Variants in BCL2L14 observed in about 807,000 individuals in gnomAD.
The protein encoded by BCL2L14 is apoptosis facilitator Bcl-2-like protein 14.
Under a neutral mutation model 35.3 loss-of-function variants are expected in BCL2L14, and 27 were observed. The observed-to-expected ratio is 0.76, with a 90% confidence interval of 0.56 to 1.05. BCL2L14 has a LOEUF of 1.05. Among genes scored for constraint, BCL2L14 ranks in the 50% least tolerant of loss-of-function variants. The pLI, the probability that BCL2L14 is intolerant of heterozygous loss-of-function variation, is 0.00. For missense variants in BCL2L14, 377 were observed against 382.6 expected (o/e 0.99, Z 0.12); for synonymous variants, 139 against 145.9 (o/e 0.95, Z 0.34).
intron 1 of BCL2L14, among the ~76,000 whole-genome samples, chr12:12,076,051 GA>G (rs1948773823): frequency 6.6e-6 from 1 of 150,574 alleles, no homozygotes; most frequent in African/African-American, 2.4e-5. Context: ...AGGGTCACCA[GA>G]TGTCCAGTAC....
In BCL2L14 at chr12:12,079,685, G is replaced by A. The variant is rs1948867831; in HGVS notation, c.380G>A (p.Ser127Asn). The stretch of plus-strand genomic sequence containing the variant: ...ACGTTGGAATACCAAGATTCGCACA[G>A]CCAGCAGTGGTCCAGGTGTCTTTCT... The part of the protein sequence containing the change: ...QRTLEYQDSH[S>N]QQWSRCLSNV... The change falls in exon 2 of 6, where the codon AGC (serine) becomes AAC (asparagine). Residue 127 changes from serine (S) to asparagine (N), a missense_variant. By Grantham distance (46) the Ser-to-Asn change is conservative. Coordinates refer to ENST00000308721, the MANE Select transcript of BCL2L14 (RefSeq NM_138723.2). 1 of 1,614,092 alleles carries A rather than the reference G, an allele frequency of 6.2e-7. No homozygotes were observed. The highest frequency in any genetic ancestry group is 1.7e-5 in the Admixed American group (1 of 60,006).
intron 1 of BCL2L14, among the ~76,000 whole-genome samples, chr12:12,077,271 G>A (rs1948802176): frequency 6.6e-6 from 1 of 152,156 alleles, no homozygotes; most frequent in Admixed American, 6.6e-5. Flanking sequence ...GCCGGGCATG[G>A]TAGCTCATGG....
intron 3 of BCL2L14, among the ~76,000 whole-genome samples, chr12:12,088,688 C>A (rs1949101131): frequency 6.6e-6 from 1 of 152,170 alleles, no homozygotes; most frequent in African/African-American, 2.4e-5. Context: ...TTTTTAACTC[C>A]TCTAACAGTG....
rs987383949 is a variant in BCL2L14 at position 12,099,307 on chromosome 12, G to A, written c.*319G>A. The A allele has an allele frequency of 9.2e-6, 3 of 326,686 alleles. No individual in the cohort carries two copies. Among genetic ancestry groups the A allele is most frequent in the African/African-American group, 4.3e-5 (2 of 46,224 alleles). 20.2% of individuals were successfully genotyped at this position (326,686 alleles called of 1,614,324 possible). A position where few individuals can be genotyped will look rare whatever the true frequency, so the allele number is the denominator to read the frequency against. On this transcript the variant is annotated 3_prime_UTR_variant, in exon 6 of 6. Coordinates refer to ENST00000308721, the MANE Select transcript of BCL2L14 (RefSeq NM_138723.2). ...ATCCTGCCTTTGTTAGCTGCTGTAGGGAAAGTGCGTTACAGATGTCTGCTG... is the reference window on the plus strand; with the variant it reads ...ATCCTGCCTTTGTTAGCTGCTGTAGAGAAAGTGCGTTACAGATGTCTGCTG...
At chr12:12,095,592 A>G (rs1413295685) in intron 5 of BCL2L14, 1 of 985,248 alleles carries the variant, frequency 1.0e-6, no homozygotes, top group Non-Finnish European at 1.2e-6. Flanking sequence ...GTCAAAATGT[A>G]CTACCCCACA....
intron 3 of BCL2L14, among the ~76,000 whole-genome samples, chr12:12,089,433 C>T (rs908402600): frequency 6.7e-6 from 1 of 149,896 alleles, no homozygotes; most frequent in Non-Finnish European, 1.5e-5. Context: ...CGGTGGCTTA[C>T]GTCTGTAATC....
At chr12:12,078,271 GGAGA>G (rs1274113078) in intron 1 of BCL2L14, among the ~76,000 whole-genome samples, 3 of 152,138 alleles carry the variant, frequency 2.0e-5, no homozygotes, top group East Asian at 3.9e-4. Flanking sequence ...GAGAGAGAGA[GGAGA>G]GAGAAGCCGG....
chr12:12,089,092 A>G (rs189184903), intron 3 of BCL2L14, among the ~76,000 whole-genome samples: 11 of 152,170 alleles, frequency 7.2e-5, no homozygotes, highest in Non-Finnish European at 1.3e-4. Context: ...TTTGGCCGGG[A>G]GCGGTGGCTC....
intron 2 of BCL2L14, among the ~76,000 whole-genome samples, chr12:12,058,944 T>C (rs181709572): frequency 4.5e-4 from 68 of 152,298 alleles, no homozygotes; most frequent in East Asian, 2.3e-3. Flanking sequence ...GCGGCCTCTT[T>C]TTACTCTCTT....
chr12:12,097,100 G>A (rs369280359), intron 5 of BCL2L14, among the ~76,000 whole-genome samples: 9 of 152,186 alleles, frequency 5.9e-5, no homozygotes, highest in East Asian at 5.8e-4. Context: ...AGCCAAGATC[G>A]CGCCACTGCA....
At chr12:12,069,730 C>T (rs2136726342), upstream of BCL2L14, among the ~76,000 whole-genome samples, 1 of 148,444 alleles carries the variant, frequency 6.7e-6, no homozygotes, top group South Asian at 2.1e-4. Context: ...AAAAAGGTGG[C>T]AAGTTTTTAT....
chr12:12,098,865 G>A (rs1302850538), intron 5 of BCL2L14, 85 bp from the exon 6 acceptor site: 2 of 986,278 alleles, frequency 2.0e-6, no homozygotes, highest in Non-Finnish European at 3.3e-6. Context: ...GTCACGCCTG[G>A]GATAGAGCAG....
At chr12:12,062,585 A>G (rs1457883345) in intron 2 of BCL2L14, among the ~76,000 whole-genome samples, 16 of 150,744 alleles carry the variant, frequency 1.1e-4, no homozygotes, top group Middle Eastern at 3.4e-3. Context: ...TTGAGGATTT[A>G]CCCCCACCCA....
intron 4 of BCL2L14, among the ~76,000 whole-genome samples, chr12:12,093,311 T>G (rs1037395510): frequency 3.3e-5 from 5 of 152,172 alleles, no homozygotes; most frequent in Non-Finnish European, 7.4e-5. Context: ...ACCTCTTCTA[T>G]GTCCAGCACT....
intron 2 of BCL2L14, among the ~76,000 whole-genome samples, chr12:12,082,441 C>T (rs1323948330): frequency 6.6e-6 from 1 of 152,226 alleles, no homozygotes; most frequent in African/African-American, 2.4e-5. Flanking sequence ...TTCTACTTGG[C>T]CTGTACTGTG....
chr12:12,080,108 G>C (rs1426570057), intron 2 of BCL2L14, among the ~76,000 whole-genome samples: 2 of 152,008 alleles, frequency 1.3e-5, no homozygotes, highest in African/African-American at 4.8e-5. Flanking sequence ...GGGAGGCTGA[G>C]GCAGGAGAAT....
intron 2 of BCL2L14, among the ~76,000 whole-genome samples, chr12:12,080,436 T>C (rs1158578031): frequency 6.7e-6 from 1 of 149,846 alleles, no homozygotes; most frequent in Non-Finnish European, 1.5e-5. Flanking sequence ...CTGGCCAACA[T>C]AGTGAAAACC....
intron 2 of BCL2L14, among the ~76,000 whole-genome samples, chr12:12,082,380 G>A (rs1223788011): frequency 6.6e-6 from 1 of 152,188 alleles, no homozygotes; most frequent in African/African-American, 2.4e-5. Flanking sequence ...TGCCGGGGGT[G>A]GCATCTGGGC....
chr12:12,068,687 G>T (rs1332810737), upstream of BCL2L14, among the ~76,000 whole-genome samples: 1 of 152,070 alleles, frequency 6.6e-6, no homozygotes. Flanking sequence ...TAAGAGATGG[G>T]GTCTTACTAT....
Sources: gnomAD v4.1 joint callset for allele counts (sites outside exome capture counted in the v4.1 genomes callset) on GRCh38, gnomAD v4.1.1 for gene constraint, MANE v1.5 for transcripts, NCBI Gene and HGNC (gene_info 2026-07-23, HGNC 2026-07-21) for gene names.